Variants in ADGRL3 observed in about 807,000 individuals in gnomAD.
ADGRL3 encodes the protein calcium-independent alpha-latrotoxin receptor 3.
ADGRL3 carries 62 observed loss-of-function variants against 153.5 expected under a neutral mutation model. The observed-to-expected ratio is 0.40, with a 90% CI of 0.33 to 0.50. The LOEUF (loss-of-function observed/expected upper bound fraction) is 0.50, where lower values mean the gene tolerates loss of function less well. Ranked by LOEUF, ADGRL3 falls within the 20% of genes least tolerant of loss-of-function variation. The probability of loss-of-function intolerance (pLI) is 0.47; values close to 1 mark genes in which losing one functional copy is unlikely to be tolerated. For missense variants in ADGRL3, 1,641 were observed against 1,859.4 expected (o/e 0.88, Z 2.16); for synonymous variants, 710 against 672.5 (o/e 1.06, Z -0.86).
Position 61,490,085 on chromosome 4 carries a change from G to T in ADGRL3, c.-173-7036G>T, listed in dbSNP as rs76926619. 9.1e-4 allele frequency among the ~76,000 whole-genome samples: 138 copies of T among 152,078 alleles called. 2 individuals carry two copies. In the East Asian group the frequency reaches 0.013, roughly 14 times the overall value. On this transcript the variant is annotated intron_variant, in intron 2 of 26. Transcript: ENST00000683033. ...CAGATGACTTGCAGTTCTGCAACAC[G>T]CTGCCTTTTTCCACCTCTTTACCTT...
intron 5 of ADGRL3, among the ~76,000 whole-genome samples, chr4:61,602,257 A>G (rs935301040): frequency 5.3e-5 from 8 of 152,162 alleles, no homozygotes; most frequent in Admixed American, 3.3e-4. Context: ...CTTTATCCCT[A>G]CTTTTCCAGA....
chr4:61,869,960 A>AAAAAAAAG (rs1554051477), intron 9 of ADGRL3, among the ~76,000 whole-genome samples: 6 of 101,886 alleles, frequency 5.9e-5, no homozygotes, highest in South Asian at 3.4e-4. Context: ...AAAAAAAAAA[A>AAAAAAAAG]AGAGAGAGAG....
chr4:62,028,755 C>T, intron 21 of ADGRL3, 100 bp from the exon 22 acceptor site: 1 of 843,506 alleles, frequency 1.2e-6, no homozygotes, highest in South Asian at 1.7e-5. Context: ...AGGTGGGGGA[C>T]AGAGGCCTTT....
At chr4:61,694,331 C>T (rs867156774) in intron 6 of ADGRL3, among the ~76,000 whole-genome samples, 4 of 151,204 alleles carry the variant, frequency 2.6e-5, no homozygotes, top group African/African-American at 9.7e-5. Flanking sequence ...GGCCCCAGTC[C>T]TTTTAAATAT....
intron 17 of ADGRL3, among the ~76,000 whole-genome samples, chr4:61,966,259 A>C (rs1206508672): frequency 6.6e-6 from 1 of 152,158 alleles, no homozygotes; most frequent in African/African-American, 2.4e-5. Flanking sequence ...GAATGAATCT[A>C]CCAAAATTTT....
intron 1 of ADGRL3, among the ~76,000 whole-genome samples, chr4:61,256,415 A>C (rs2091972033): frequency 6.6e-6 from 1 of 152,220 alleles, no homozygotes; most frequent in Non-Finnish European, 1.5e-5. Context: ...TCTTTCTGCA[A>C]AGCTGGCTAG....
chr4:61,203,546 G>A (rs1028645820), intron 1 of ADGRL3, among the ~76,000 whole-genome samples: 5 of 152,204 alleles, frequency 3.3e-5, no homozygotes, highest in Non-Finnish European at 7.4e-5. Context: ...ATTGCCTTCT[G>A]TGTTTTGCTC....
intron 9 of ADGRL3, among the ~76,000 whole-genome samples, chr4:61,868,228 G>T (rs1460491846): frequency 6.6e-6 from 1 of 152,108 alleles, no homozygotes; most frequent in Non-Finnish European, 1.5e-5. Flanking sequence ...GTAATTCAGT[G>T]ATTGAGACTT....
At chr4:61,567,095 A>G (rs2098819417) in intron 4 of ADGRL3, among the ~76,000 whole-genome samples, 1 of 152,202 alleles carries the variant, frequency 6.6e-6, no homozygotes, top group Non-Finnish European at 1.5e-5. Context: ...GTTACAGAAA[A>G]AAAATTCAAC....
chr4:61,866,927 G>A (rs1409589480), intron 9 of ADGRL3, among the ~76,000 whole-genome samples: 2 of 152,120 alleles, frequency 1.3e-5, no homozygotes, highest in Non-Finnish European at 2.9e-5. Flanking sequence ...CTGGTATTGA[G>A]ATGCACTCCC....
At chr4:61,888,955 A>T (rs1394543277) in intron 9 of ADGRL3, among the ~76,000 whole-genome samples, 1 of 151,884 alleles carries the variant, frequency 6.6e-6, no homozygotes, top group Non-Finnish European at 1.5e-5. Context: ...TTAAGAAATA[A>T]TTTTTTCAGT....
At chr4:61,456,628 A>G (rs1054084974) in intron 2 of ADGRL3, among the ~76,000 whole-genome samples, 1 of 151,288 alleles carries the variant, frequency 6.6e-6, no homozygotes, top group Non-Finnish European at 1.5e-5. Flanking sequence ...AGTTTGGAGA[A>G]GAAGTAAGTA....
At chr4:61,477,696 A>G (rs1286177799) in intron 2 of ADGRL3, among the ~76,000 whole-genome samples, 1 of 152,136 alleles carries the variant, frequency 6.6e-6, no homozygotes, top group Non-Finnish European at 1.5e-5. Flanking sequence ...GAGGCTGTCC[A>G]TAATTGAAAA....
chr4:61,788,445 C>A (rs929396123), intron 8 of ADGRL3, among the ~76,000 whole-genome samples: 2 of 152,132 alleles, frequency 1.3e-5, no homozygotes, highest in Admixed American at 1.3e-4. Flanking sequence ...ACAATCAGTG[C>A]AGTCCTTCTC....
At chr4:61,408,414 C>CTT (rs113009999) in intron 2 of ADGRL3, among the ~76,000 whole-genome samples, 36 of 142,472 alleles carry the variant, frequency 2.5e-4, no homozygotes, top group East Asian at 8.2e-4. Context: ...AGCTGCTGTC[C>CTT]TTTTTTTTTT....
At chr4:61,314,800 C>T (rs537201408) in intron 1 of ADGRL3, among the ~76,000 whole-genome samples, 7 of 152,264 alleles carry the variant, frequency 4.6e-5, no homozygotes, top group Non-Finnish European at 8.8e-5. Context: ...GGCTGCTTAA[C>T]GTTCTATAAT....
intron 21 of ADGRL3, among the ~76,000 whole-genome samples, chr4:62,022,557 G>T (rs2099242886): frequency 6.6e-6 from 1 of 152,080 alleles, no homozygotes; most frequent in South Asian, 2.1e-4. Context: ...TCAATGTCTG[G>T]CTTCAAGGCT....
chr4:61,340,876 A>G (rs1287172178), intron 1 of ADGRL3, among the ~76,000 whole-genome samples: 3 of 151,658 alleles, frequency 2.0e-5, no homozygotes, highest in Non-Finnish European at 4.4e-5. Flanking sequence ...CCATATACCA[A>G]TATATACCAA....
intron 9 of ADGRL3, 93 bp downstream of exon 9, chr4:61,813,982 C>T: frequency 6.7e-7 from 1 of 1,497,396 alleles, no homozygotes; most frequent in South Asian, 1.3e-5. Context: ...AATGCAGTGC[C>T]TGTTCAAAAA....
Sources: gnomAD v4.1 joint callset for allele counts (sites outside exome capture counted in the v4.1 genomes callset) on GRCh38, gnomAD v4.1.1 for gene constraint, MANE v1.5 for transcripts, NCBI Gene and HGNC (gene_info 2026-07-23, HGNC 2026-07-21) for gene names.